The following AMDHD2 variants were observed in gnomAD, a reference collection of about 807,000 sequenced individuals.
AMDHD2 encodes the protein amidohydrolase domain containing 2.
In AMDHD2, 24 loss-of-function variants were observed where a neutral mutation model predicts 41.8. The ratio of observed to expected loss-of-function variants is 0.57; its 90% CI spans 0.42 to 0.81. The LOEUF (loss-of-function observed/expected upper bound fraction) is 0.81. Ranked by LOEUF, AMDHD2 falls within the 30% of genes least tolerant of loss-of-function variation. AMDHD2 has a pLI of 0.00. For synonymous variants in AMDHD2, 332 were observed against 255.5 expected, an observed-to-expected ratio of 1.30 and a Z score of -2.85; for missense variants, 540 against 588.5, an observed-to-expected ratio of 0.92 and a Z score of 0.85.
chr16:2,529,029 C>T lies in AMDHD2; in HGVS notation c.1075C>T (p.Leu359=), dbSNP rs1242185284. The T allele has an allele frequency of 6.3e-7, 1 of 1,596,106 alleles. No individual in the cohort carries two copies. Among genetic ancestry groups the T allele is most frequent in the Non-Finnish European group, 8.5e-7 (1 of 1,172,064 alleles). Residue 359 remains leucine (L), a synonymous_variant, in exon 10 of 11, where the codon CTG becomes TTG. Coordinates refer to ENST00000293971, the MANE Select transcript of AMDHD2 (RefSeq NM_001330449.2). ...SMESALEAAS[L]HPAQLLGLEK... is the part of the protein sequence containing the mutation. ...GGAGTCGGCCCTGGAGGCTGCATCC[C>T]TGCACCCCGCCCAGTTGCTGGGGCT...
In AMDHD2 at chr16:2,528,296, C is replaced by T. The variant is rs146802053; in HGVS notation, c.778C>T (p.Arg260Cys). The stretch of plus-strand genomic sequence containing the variant: ...GACCAGCGACCGGCTGCCCGCAGGC[C>T]GCTGCATCTTCTATGGGATGATTGC... Reference protein sequence around the residue: ...LLTSDRLPAGRCIFYGMIADG... With the variant: ...LLTSDRLPAGCCIFYGMIADG... Residue 260 changes from arginine (R) to cysteine (C), a missense_variant, in exon 7 of 11, where the codon CGC (arginine) becomes TGC (cysteine). By Grantham distance (180) the Arg-to-Cys change is radical. Transcript: ENST00000293971. 3.5e-3 allele frequency: 5,587 copies of T among 1,612,608 alleles called. 13 individuals are homozygous for T. The highest frequency in any genetic ancestry group is 3.9e-3 in the Non-Finnish European group (4,625 of 1,179,920).
intron 3 of AMDHD2, among the ~76,000 whole-genome samples, chr16:2,525,238 A>G (rs1225587291): frequency 6.6e-6 from 1 of 151,274 alleles, no homozygotes; most frequent in Non-Finnish European, 1.5e-5. Context: ...TGTAATTTTT[A>G]GTAGAGATGG....
Position 2,530,358 on chromosome 16 carries a change from T to G in AMDHD2, c.*795T>G. ...CCCCATTAGTGTCATCCTGCCATCTTCTGTGTCCCCTTGGCCCTGGCACAC... is the reference window on the plus strand; with the variant it reads ...CCCCATTAGTGTCATCCTGCCATCTGCTGTGTCCCCTTGGCCCTGGCACAC... On this transcript the variant is annotated 3_prime_UTR_variant, in exon 11 of 11. Coordinates refer to ENST00000293971, the MANE Select transcript of AMDHD2 (RefSeq NM_001330449.2). The G allele has an allele frequency of 6.2e-7, 1 of 1,614,150 alleles. No individual in the cohort carries two copies. The highest frequency in any genetic ancestry group is 8.5e-7 in the Non-Finnish European group (1 of 1,180,008).
intron 3 of AMDHD2, among the ~76,000 whole-genome samples, chr16:2,521,606 G>A (rs952952425): frequency 1.3e-5 from 2 of 152,146 alleles, no homozygotes; most frequent in African/African-American, 4.8e-5. Context: ...CTGCCCGGAA[G>A]AAATTTGGTT....
Position 2,520,383 on chromosome 16 carries a change from G to C in AMDHD2, c.-76G>C, listed in dbSNP as rs1016157847. 5.2e-6 allele frequency: 6 copies of C among 1,163,870 alleles called. No homozygotes were observed. The highest frequency in any genetic ancestry group is 4.3e-5 in the South Asian group (1 of 23,378). The allele number at this position is 1,163,870 out of a possible 1,614,324, so 72.1% of individuals were successfully genotyped here. A position where few individuals can be genotyped will look rare whatever the true frequency, so the allele number is the denominator to read the frequency against. The stretch of plus-strand genomic sequence containing the variant: ...TCACGTGGGCGCGGTCTCAGCTCTC[G>C]GCTGGGGTTCGTCACTGGGCGCGGG... On this transcript the variant is annotated 5_prime_UTR_variant, in exon 1 of 11. Coordinates refer to ENST00000293971, the MANE Select transcript of AMDHD2 (RefSeq NM_001330449.2).
intron 10 of AMDHD2, 46 bp from the exon 11 acceptor site, chr16:2,529,429 G>A (rs1214712256): frequency 6.2e-7 from 1 of 1,602,354 alleles, no homozygotes; most frequent in Non-Finnish European, 8.5e-7. Context: ...GGGGTAGGTG[G>A]GCGGCCCCAC....
Position 2,528,646 on chromosome 16 carries a change from C to T in AMDHD2, c.971-4C>T, listed in dbSNP as rs759930610. 28 of 1,613,030 alleles carry T rather than the reference C, an allele frequency of 1.7e-5. No homozygotes were observed. In the South Asian group the frequency reaches 2.4e-4, roughly 14 times the overall value. On this transcript the variant is annotated splice_polypyrimidine_tract_variant and splice_region_variant and intron_variant, in intron 8 of 10. Coordinates refer to ENST00000293971, the MANE Select transcript of AMDHD2 (RefSeq NM_001330449.2). ...CCCCAGAGCCTGCCCTCTCTGCTCT[C>T]AAGGCACCAAGACGCTGAGTGGCAG...
At chr16:2,524,001 CTTTG>C (rs1176231853) in intron 3 of AMDHD2, among the ~76,000 whole-genome samples, 1 of 152,202 alleles carries the variant, frequency 6.6e-6, no homozygotes, top group Admixed American at 6.5e-5. Flanking sequence ...ACAAGTAGGA[CTTTG>C]TTTTCTTCCC....
rs781332771 is a variant in AMDHD2, at chr16:2,520,997, TGAC to T, written c.235_237del (p.Asp79del). The T allele has an allele frequency of 6.2e-7, 1 of 1,608,222 alleles. No individual in the cohort carries two copies. The highest frequency in any genetic ancestry group is 8.5e-7 in the Non-Finnish European group (1 of 1,176,390). ...CTGTGGCTGCAGGTGGATTTGGTGT[TGAC>T]TTCTCTCAAGCCACGGAGGACGTGG... is the stretch of plus-strand genomic sequence containing the variant. On this transcript the variant is annotated inframe_deletion, in exon 3 of 11. Transcript: ENST00000293971.
rs376021402 is a variant in AMDHD2, at chr16:2,530,533, T to A, written c.*970T>A. 1.3e-5 allele frequency: 21 copies of A among 1,614,068 alleles called. No individual in the cohort carries two copies. Among genetic ancestry groups the A allele is most frequent in the Non-Finnish European group, 1.7e-5 (20 of 1,180,020 alleles). ...ACGTCAGGGGTGATTGTCTTGACTT[T>A]CTCTCCATTTGAGTTCTGGGGTGGG... is the stretch of plus-strand genomic sequence containing the variant. On this transcript the variant is annotated 3_prime_UTR_variant, in exon 11 of 11. Coordinates refer to ENST00000293971, the MANE Select transcript of AMDHD2 (RefSeq NM_001330449.2).
chr16:2,530,855 CTGAGAG>C lies in AMDHD2; in HGVS notation c.*1293_*1298del. 6.2e-7 allele frequency: 1 copy of C among 1,613,676 alleles called. No homozygotes were observed. The highest frequency in any genetic ancestry group is 8.5e-7 in the Non-Finnish European group (1 of 1,179,982). ...GGCGACGGATGTGGATCCTGACCTC[CTGAGAG>C]GTGTGAGGTGCAGGGATACCCACCT... On this transcript the variant is annotated 3_prime_UTR_variant, in exon 11 of 11. Transcript: ENST00000293971.
chr16:2,530,790 G>T lies in AMDHD2; in HGVS notation c.*1227G>T, dbSNP rs758022186. 20 of 1,613,526 alleles carry T rather than the reference G, an allele frequency of 1.2e-5. No individual in the cohort carries two copies. In the African/African-American group the frequency reaches 2.4e-4, roughly 19 times the overall value. On this transcript the variant is annotated 3_prime_UTR_variant, in exon 11 of 11. Transcript: ENST00000293971. ...GGCCTGGGGCAGGGCACAAGGGGTT[G>T]ATCTCAGCCCACAAGCCCCAGGGGC... is the stretch of plus-strand genomic sequence containing the variant.
chr16:2,524,031 G>A (rs980290989), intron 3 of AMDHD2, among the ~76,000 whole-genome samples: 2 of 152,214 alleles, frequency 1.3e-5, no homozygotes, highest in South Asian at 4.1e-4. Context: ...GCACTGCAGT[G>A]CAGGTGTCTT....
chr16:2,531,301 G>C lies in AMDHD2; in HGVS notation c.*1738G>C. 1.8e-6 allele frequency: 1 copy of C among 564,958 alleles called. No individual in the cohort carries two copies. The highest frequency in any genetic ancestry group is 2.8e-5 in the South Asian group (1 of 35,924). The allele number at this position is 564,958 out of a possible 1,614,324, so 35.0% of individuals were successfully genotyped here. ...GGGCCCAGGGTCAGGGTGAGAGAGA[G>C]CTGGGCCAGGGAGCTGCTGCAGGAT... On this transcript the variant is annotated 3_prime_UTR_variant, in exon 11 of 11. Transcript: ENST00000293971.
rs1433465759 is a variant in AMDHD2 at position 2,527,738 on chromosome 16, GGGACCTGCT to G, written c.416-31_416-23del. On this transcript the variant is annotated intron_variant, in intron 4 of 10. Coordinates refer to ENST00000293971, the MANE Select transcript of AMDHD2 (RefSeq NM_001330449.2). This position sits in a 1 kb window ranked among gnomAD's most constrained non-coding sequence, Gnocchi z 6.1. The stretch of plus-strand genomic sequence containing the variant: ...CAGGTGATAAGGGCTGGGTGGGGCA[GGGACCTGCT>G]GGAGCCACTTGCTCCCTCCTCCCAG... 8 of 1,551,224 alleles carry G rather than the reference GGGACCTGCT, an allele frequency of 5.2e-6. No individual in the cohort carries two copies. In the South Asian group the frequency reaches 9.6e-5, roughly 19 times the overall value.
In AMDHD2 at chr16:2,527,643, C is replaced by G. The variant is rs202215752; in HGVS notation, c.415+28C>G. ...GAGTGGCTGACCTCCTCCCCGCCCCCACCCTGGGAGGCTCCTGCGGGACCT... is the reference window on the plus strand; with the variant it reads ...GAGTGGCTGACCTCCTCCCCGCCCCGACCCTGGGAGGCTCCTGCGGGACCT... On this transcript the variant is annotated intron_variant, in intron 4 of 10. Coordinates refer to ENST00000293971, the MANE Select transcript of AMDHD2 (RefSeq NM_001330449.2). This position sits in a 1 kb window ranked among gnomAD's most constrained non-coding sequence, Gnocchi z 6.1. 1.2e-6 allele frequency: 2 copies of G among 1,600,344 alleles called. No individual in the cohort carries two copies. The highest frequency in any genetic ancestry group is 1.7e-5 in the Admixed American group (1 of 57,458).
At chr16:2,521,781 G>GTTTTT (rs57701626) in intron 3 of AMDHD2, among the ~76,000 whole-genome samples, 39 of 111,542 alleles carry the variant, frequency 3.5e-4, no homozygotes, top group African/African-American at 4.7e-4. Context: ...TTTTTGTTTA[G>GTTTTT]TTTTTTTTTT....
chr16:2,520,601 G>T, intron 1 of AMDHD2, 60 bp downstream of exon 1: 2 of 1,186,258 alleles, frequency 1.7e-6, no homozygotes, highest in Middle Eastern at 6.8e-4. Context: ...GTGCGGGGCC[G>T]GGGACCGGGC....
At position 2,525,278 on chromosome 16, in the gene AMDHD2, G is replaced by C. The variant is rs1216455076; in HGVS notation, c.361-2283G>C. On this transcript the variant is annotated intron_variant, in intron 3 of 10. Transcript: ENST00000293971. ...GCTCCATGTTGGCAAGGCTGGTCTC[G>C]AACTCCTGACCTCAGGTGATCCAAC... 2.6e-5 allele frequency among the ~76,000 whole-genome samples: 4 copies of C among 151,330 alleles called. No homozygotes were observed. The South Asian group carries it at 8.4e-4, about 32-fold the overall frequency.
Sources: gnomAD v4.1 joint callset for allele counts (sites outside exome capture counted in the v4.1 genomes callset) on GRCh38, gnomAD v4.1.1 for gene constraint, Gnocchi (gnomAD v3.1) non-coding constraint, MANE v1.5 for transcripts, NCBI Gene and HGNC (gene_info 2026-07-23, HGNC 2026-07-21) for gene names.